IQCM: variants seen among roughly 807,000 people sequenced by gnomAD.
The protein encoded by IQCM is IQ domain-containing protein M.
In IQCM, 45 loss-of-function variants were observed where a neutral mutation model predicts 57.6. That is an observed-to-expected ratio of 0.78 (90% confidence interval 0.62 to 1.00). The LOEUF is 1.00. IQCM is among the 50% of genes least tolerant of loss of function. The probability of loss-of-function intolerance (pLI) is 0.00; values close to 1 mark genes in which losing one functional copy is unlikely to be tolerated. For missense variants in IQCM, 468 were observed against 511.6 expected (o/e 0.91, Z 0.82); for synonymous variants, 148 against 158.9 (o/e 0.93, Z 0.51).
At position 149,676,695 on chromosome 4, in the gene IQCM, A is replaced by G. The variant is rs147821630; in HGVS notation, c.565+5423T>C. 6.0e-4 allele frequency among the ~76,000 whole-genome samples: 91 copies of G among 152,184 alleles called. 3 individuals carry two copies. The highest frequency in any genetic ancestry group is 2.0e-3 in the African/African-American group (85 of 41,558). The stretch of plus-strand genomic sequence containing the variant: ...ACTATACCATACTGCTTTAAAAGGC[A>G]AGGCTTCAAAAGGAAATAGATAGAT... On this transcript the variant is annotated intron_variant, in intron 7 of 13. Transcript: ENST00000636793.
chr4:149,592,561 G>A (rs1222772120), intron 8 of IQCM, among the ~76,000 whole-genome samples: 12 of 151,742 alleles, frequency 7.9e-5, no homozygotes, highest in African/African-American at 2.9e-4. Context: ...GTATTGCCTA[G>A]GTTTTCTTCT....
intron 5 of IQCM, among the ~76,000 whole-genome samples, chr4:149,710,080 A>G (rs1764450514): frequency 6.6e-6 from 1 of 152,136 alleles, no homozygotes; most frequent in Non-Finnish European, 1.5e-5. Flanking sequence ...GTAGGAAATA[A>G]ATGACTAGAA....
intron 12 of IQCM, among the ~76,000 whole-genome samples, chr4:149,463,318 G>T (rs757516998): frequency 1.3e-5 from 2 of 152,138 alleles, no homozygotes; most frequent in African/African-American, 4.8e-5. Flanking sequence ...AACAGAAGCC[G>T]AATGCAATAT....
chr4:149,658,185 G>C (rs931741084), intron 7 of IQCM, among the ~76,000 whole-genome samples: 1 of 151,938 alleles, frequency 6.6e-6, no homozygotes, highest in African/African-American at 2.4e-5. Flanking sequence ...TGTACGTTAA[G>C]AGGTAGGGGT....
intron 12 of IQCM, among the ~76,000 whole-genome samples, chr4:149,510,192 G>A (rs7672763): frequency 0.75 from 114,769 of 152,022 alleles, 43,791 homozygotes; most frequent in South Asian, 0.9. Flanking sequence ...GTTAAAAAGC[G>A]ATTATCTCAT....
chr4:149,513,333 A>G (rs1175208457), intron 12 of IQCM, among the ~76,000 whole-genome samples: 1 of 152,150 alleles, frequency 6.6e-6, no homozygotes, highest in Non-Finnish European at 1.5e-5. Context: ...CTTCTTGTCA[A>G]CTTAGCTTTA....
intron 13 of IQCM, among the ~76,000 whole-genome samples, chr4:149,370,788 T>A (rs2110979116): frequency 6.6e-6 from 1 of 151,916 alleles, no homozygotes; most frequent in Non-Finnish European, 1.5e-5. Context: ...AATATATAAT[T>A]CTCCTTTCAC....
chr4:149,731,659 A>G (rs769099834), intron 5 of IQCM, among the ~76,000 whole-genome samples: 5 of 152,106 alleles, frequency 3.3e-5, no homozygotes, highest in Admixed American at 1.3e-4. Flanking sequence ...ACTAATTCTG[A>G]ATTTATCAAA....
At position 149,742,727 on chromosome 4, in the gene IQCM, T is replaced by C. The variant is rs1767573720; in HGVS notation, c.-36A>G. On this transcript the variant is annotated 5_prime_UTR_variant, in exon 3 of 14. Coordinates refer to ENST00000636793, the MANE Select transcript of IQCM (RefSeq NM_001363507.2). ...TAGAATGATCTTCTTTTTTAAAGTG[T>C]GAGCTCCAAGTCCTTAAACACAGTT... The C allele has an allele frequency of 4.1e-6, 5 of 1,217,774 alleles. No individual in the cohort carries two copies. The highest frequency in any genetic ancestry group is 5.1e-6 in the Non-Finnish European group (5 of 974,928). 75.4% of individuals were successfully genotyped at this position (1,217,774 alleles called of 1,614,324 possible).
At chr4:149,353,680 G>A (rs1317514518) in intron 13 of IQCM, among the ~76,000 whole-genome samples, 1 of 151,976 alleles carries the variant, frequency 6.6e-6, no homozygotes, top group African/African-American at 2.4e-5. Flanking sequence ...GCCAGATACA[G>A]AAAGAAAAAA....
At position 149,669,838 on chromosome 4, in the gene IQCM, C is replaced by G. The variant is rs78510662; in HGVS notation, c.565+12280G>C. ...TCTGCTTTGTTTTGTTGGTCTATATCTCTGTTTTGGTACCAGCACCATGCT... is the reference window on the plus strand; with the variant it reads ...TCTGCTTTGTTTTGTTGGTCTATATGTCTGTTTTGGTACCAGCACCATGCT... On this transcript the variant is annotated intron_variant, in intron 7 of 13. Coordinates refer to ENST00000636793, the MANE Select transcript of IQCM (RefSeq NM_001363507.2). 3.7e-3 allele frequency among the ~76,000 whole-genome samples: 556 copies of G among 152,190 alleles called. 2 individuals carry two copies. Among genetic ancestry groups the G allele is most frequent in the Non-Finnish European group, 5.4e-3 (366 of 68,022 alleles).
At chr4:149,401,151 C>T (rs1732592462) in intron 13 of IQCM, among the ~76,000 whole-genome samples, 2 of 151,458 alleles carry the variant, frequency 1.3e-5, no homozygotes, top group African/African-American at 4.8e-5. Flanking sequence ...AGAAGGGATA[C>T]GATGATGTAA....
chr4:149,362,807 C>A (rs760181372), intron 13 of IQCM, among the ~76,000 whole-genome samples: 1 of 152,186 alleles, frequency 6.6e-6, no homozygotes, highest in African/African-American at 2.4e-5. Flanking sequence ...GGGATACATC[C>A]AGAACACTGG....
At chr4:149,488,037 C>G (rs1178423082) in intron 12 of IQCM, among the ~76,000 whole-genome samples, 9 of 151,956 alleles carry the variant, frequency 5.9e-5, no homozygotes, top group Non-Finnish European at 1.3e-4. Context: ...TTGCTCTGCC[C>G]ATTTTCATCT....
chr4:149,454,817 G>T (rs1214289960), intron 12 of IQCM, among the ~76,000 whole-genome samples: 1 of 151,998 alleles, frequency 6.6e-6, no homozygotes, highest in African/African-American at 2.4e-5. Context: ...GAGGCAGAAA[G>T]TTGATTAGTG....
intron 13 of IQCM, among the ~76,000 whole-genome samples, chr4:149,426,750 G>T (rs2111240720): frequency 6.6e-6 from 1 of 152,086 alleles, no homozygotes; most frequent in East Asian, 1.9e-4. Flanking sequence ...TTTCCTCAGA[G>T]CAGCTTACCC....
chr4:149,699,687 T>G (rs900371662), intron 5 of IQCM, among the ~76,000 whole-genome samples: 1 of 138,870 alleles, frequency 7.2e-6, no homozygotes, highest in African/African-American at 2.8e-5. Context: ...TAAAAGGGGT[T>G]TGAGTGGCAA....
chr4:149,590,247 C>CTTTTTTTTTTTTTTTTTTTTTTTCTT (rs71596214), intron 8 of IQCM, among the ~76,000 whole-genome samples: 5 of 73,620 alleles, frequency 6.8e-5, no homozygotes, highest in Admixed American at 1.7e-4. Context: ...TTTTTCTTTC[C>CTTTTTTTTTTTTTTTTTTTTTTTCTT]TTTTTTTTTT....
intron 5 of IQCM, among the ~76,000 whole-genome samples, chr4:149,726,548 C>A (rs1765959060): frequency 6.6e-6 from 1 of 152,060 alleles, no homozygotes; most frequent in African/African-American, 2.4e-5. Flanking sequence ...GGGCTCAGTT[C>A]TTGGATTTTT....
Sources: gnomAD v4.1 joint callset for allele counts (sites outside exome capture counted in the v4.1 genomes callset) on GRCh38, gnomAD v4.1.1 for gene constraint, MANE v1.5 for transcripts, NCBI Gene and HGNC (gene_info 2026-07-23, HGNC 2026-07-21) for gene names.